The following NLGN1 variants were observed in gnomAD, a reference collection of about 807,000 sequenced individuals.
NLGN1 encodes neuroligin-1.
Under a neutral mutation model 65.5 loss-of-function variants are expected in NLGN1, and 12 were observed. That is an observed-to-expected ratio of 0.18 (90% CI 0.12 to 0.30). The LOEUF (loss-of-function observed/expected upper bound fraction) is 0.30. Ranked by LOEUF, NLGN1 falls within the 10% of genes least tolerant of loss-of-function variation. The probability of loss-of-function intolerance (pLI) is 1.00; values close to 1 mark genes in which losing one functional copy is unlikely to be tolerated. For missense variants in NLGN1, 750 were observed against 1,007.1 expected (o/e 0.74, Z 3.46); for synonymous variants, 350 against 359.5 (o/e 0.97, Z 0.30).
At position 174,027,049 on chromosome 3, in the gene NLGN1, G is replaced by A. The variant is rs13098521; in HGVS notation, c.646+219217G>A. ...GCCAAATAAAGCTTGGCTAAGTTTGGTCTAGTTCAATTTTTTTAAAAAAAA... is the reference window on the plus strand; with the variant it reads ...GCCAAATAAAGCTTGGCTAAGTTTGATCTAGTTCAATTTTTTTAAAAAAAA... On this transcript the variant is annotated intron_variant, in intron 4 of 6. Transcript: ENST00000457714. Among the ~76,000 whole-genome samples the A allele has an allele frequency of 1.5e-4, 22 of 147,846 alleles. 1 individual carries two copies. In the Admixed American group the frequency reaches 1.5e-3, roughly 10 times the overall value.
intron 4 of NLGN1, among the ~76,000 whole-genome samples, chr3:174,220,648 T>C (rs983541733): frequency 6.6e-6 from 1 of 152,208 alleles, no homozygotes; most frequent in Non-Finnish European, 1.5e-5. Context: ...CATTTTTACA[T>C]TGATTACCTC....
intron 4 of NLGN1, among the ~76,000 whole-genome samples, chr3:174,054,548 G>A (rs1318532986): frequency 6.6e-6 from 1 of 151,832 alleles, no homozygotes; most frequent in Admixed American, 6.6e-5. Context: ...AGCTTTAGGG[G>A]TTCTGAACTG....
intron 2 of NLGN1, among the ~76,000 whole-genome samples, chr3:173,585,624 C>G (rs931430711): frequency 1.3e-5 from 2 of 152,174 alleles, no homozygotes; most frequent in African/African-American, 4.8e-5. Context: ...GCACGACTTT[C>G]CATAATACAA....
At chr3:173,800,756 T>C (rs559768966) in intron 3 of NLGN1, among the ~76,000 whole-genome samples, 1 of 152,040 alleles carries the variant, frequency 6.6e-6, no homozygotes, top group South Asian at 2.1e-4. Flanking sequence ...TAAAATGTGC[T>C]TCATTTTTAC....
At chr3:174,185,198 G>A (rs895742981) in intron 4 of NLGN1, among the ~76,000 whole-genome samples, 11 of 151,712 alleles carry the variant, frequency 7.3e-5, no homozygotes, top group Admixed American at 5.3e-4. Context: ...CCAACCTTCC[G>A]TCACACTCTA....
intron 4 of NLGN1, among the ~76,000 whole-genome samples, chr3:173,996,266 C>G (rs1373078043): frequency 2.6e-5 from 4 of 152,108 alleles, no homozygotes; most frequent in African/African-American, 9.7e-5. Flanking sequence ...TTTTAAGATC[C>G]TTGCTGTATA....
intron 4 of NLGN1, among the ~76,000 whole-genome samples, chr3:173,911,157 C>T (rs1485068333): frequency 6.6e-6 from 1 of 152,030 alleles, no homozygotes; most frequent in Non-Finnish European, 1.5e-5. Context: ...AAAGCAATCC[C>T]CCAAACAATA....
chr3:173,693,878 AG>A (rs1289193877), intron 3 of NLGN1, among the ~76,000 whole-genome samples: 1 of 152,152 alleles, frequency 6.6e-6, no homozygotes, highest in Admixed American at 6.6e-5. Context: ...AATAATATTA[AG>A]GTGTTTATAA....
At chr3:174,065,817 C>T (rs1366405404) in intron 4 of NLGN1, among the ~76,000 whole-genome samples, 1 of 152,086 alleles carries the variant, frequency 6.6e-6, no homozygotes, top group Non-Finnish European at 1.5e-5. Context: ...TTGTAACCTT[C>T]CCTATGGAGA....
intron 3 of NLGN1, among the ~76,000 whole-genome samples, chr3:173,699,899 AG>A (rs1766855929): frequency 6.6e-6 from 1 of 152,244 alleles, no homozygotes; most frequent in South Asian, 2.1e-4. Context: ...AAAAAGAAAA[AG>A]AAAAGAGAAC....
downstream of NLGN1, among the ~76,000 whole-genome samples, chr3:174,290,552 TAAAG>T (rs1474685849): frequency 2.7e-5 from 4 of 150,922 alleles, no homozygotes; most frequent in African/African-American, 4.8e-5. Context: ...GCATAAACAA[TAAAG>T]AAAACGAATA....
chr3:173,406,579 T>C (rs1034403261), intron 1 of NLGN1, among the ~76,000 whole-genome samples: 2 of 148,212 alleles, frequency 1.3e-5, no homozygotes, highest in Non-Finnish European at 3.0e-5. Context: ...TGAATTCATA[T>C]ATATGTATTC....
intron 3 of NLGN1, among the ~76,000 whole-genome samples, chr3:173,650,306 G>T (rs765747655): frequency 6.6e-6 from 1 of 152,028 alleles, no homozygotes; most frequent in Non-Finnish European, 1.5e-5. Context: ...ATGGCACAAT[G>T]AATAAACTCT....
chr3:173,796,564 T>C (rs183091415), intron 3 of NLGN1, among the ~76,000 whole-genome samples: 56 of 152,214 alleles, frequency 3.7e-4, no homozygotes, highest in African/African-American at 1.2e-3. Context: ...CTCACTCCCT[T>C]TCAAAATGAC....
intron 2 of NLGN1, among the ~76,000 whole-genome samples, chr3:173,447,673 T>C (rs1720645079): frequency 6.6e-6 from 1 of 152,230 alleles, no homozygotes; most frequent in Non-Finnish European, 1.5e-5. Context: ...TTCATGATAT[T>C]GATTCTTCCT....
chr3:174,050,398 AT>A (rs922450330), intron 4 of NLGN1, among the ~76,000 whole-genome samples: 31 of 148,320 alleles, frequency 2.1e-4, no homozygotes, highest in Middle Eastern at 3.5e-3. Flanking sequence ...ACTTTGAAAC[AT>A]TTTTTTTTTC....
intron 3 of NLGN1, among the ~76,000 whole-genome samples, 167 bp downstream of exon 3, chr3:173,605,760 G>C (rs1239594009): frequency 2.0e-5 from 3 of 152,064 alleles, no homozygotes; most frequent in African/African-American, 7.2e-5. Context: ...GAGAGCTCTA[G>C]CTGAGTAGAT....
chr3:173,456,355 A>G (rs1268783248), intron 2 of NLGN1, among the ~76,000 whole-genome samples: 1 of 152,100 alleles, frequency 6.6e-6, no homozygotes, highest in Non-Finnish European at 1.5e-5. Context: ...GCAATATAGC[A>G]TGAGGGTTGA....
chr3:174,117,624 G>C (rs907635650), intron 4 of NLGN1, among the ~76,000 whole-genome samples: 2 of 151,156 alleles, frequency 1.3e-5, no homozygotes, highest in Non-Finnish European at 3.0e-5. Flanking sequence ...AAAAAAGGAA[G>C]AAAAATCACT....
Sources: gnomAD v4.1 joint callset for allele counts (sites outside exome capture counted in the v4.1 genomes callset) on GRCh38, gnomAD v4.1.1 for gene constraint, MANE v1.5 for transcripts, NCBI Gene and HGNC (gene_info 2026-07-23, HGNC 2026-07-21) for gene names.